BRINP3: variants seen among roughly 807,000 people sequenced by gnomAD.
The protein encoded by BRINP3 is BMP/retinoic acid-inducible neural-specific protein 3.
Under a neutral mutation model 71.0 loss-of-function variants are expected in BRINP3, and 19 were observed. That is an observed-to-expected ratio of 0.27 (90% CI 0.19 to 0.39). BRINP3 has a LOEUF of 0.39. BRINP3 is among the 10% of genes least tolerant of loss of function. The pLI is 1.00. For synonymous variants in BRINP3, 380 were observed against 337.7 expected, an observed-to-expected ratio of 1.13 and a Z score of -1.37; for missense variants, 959 against 940.8, an observed-to-expected ratio of 1.02 and a Z score of -0.25.
intron 1 of BRINP3, among the ~76,000 whole-genome samples, chr1:190,457,718 A>T (rs1458444415): frequency 6.6e-6 from 1 of 152,164 alleles, no homozygotes; most frequent in African/African-American, 2.4e-5. Context: ...TTAAAATTAA[A>T]CAAATGTTTT....
intron 2 of BRINP3, among the ~76,000 whole-genome samples, chr1:190,399,452 C>T (rs983310561): frequency 1.3e-5 from 2 of 151,772 alleles, no homozygotes; most frequent in African/African-American, 2.4e-5. Flanking sequence ...TGACACTTCG[C>T]GAGCATGAAA....
chr1:190,382,598 G>A (rs982365611), intron 2 of BRINP3, among the ~76,000 whole-genome samples: 7 of 152,116 alleles, frequency 4.6e-5, no homozygotes, highest in Admixed American at 1.3e-4. Flanking sequence ...GGCAAATGCC[G>A]AGGCAAGGTA....
intron 7 of BRINP3, among the ~76,000 whole-genome samples, chr1:190,111,522 T>A (rs564974050): frequency 1.6e-3 from 245 of 152,298 alleles, no homozygotes; most frequent in African/African-American, 5.7e-3. Flanking sequence ...CAACACAATG[T>A]GCCAAAATAA....
At chr1:190,460,786 T>C (rs1676341344) in intron 1 of BRINP3, among the ~76,000 whole-genome samples, 1 of 152,172 alleles carries the variant, frequency 6.6e-6, no homozygotes, top group African/African-American at 2.4e-5. Context: ...GATACTTCCA[T>C]CTACTCAAAT....
intron 3 of BRINP3, among the ~76,000 whole-genome samples, chr1:190,276,126 AT>A (rs935857965): frequency 1.3e-5 from 2 of 151,574 alleles, no homozygotes; most frequent in African/African-American, 4.8e-5. Context: ...CTTCAAAAAT[AT>A]TTATTTTTCT....
chr1:190,377,952 C>G (rs1050287385), intron 2 of BRINP3, among the ~76,000 whole-genome samples: 1 of 151,984 alleles, frequency 6.6e-6, no homozygotes, highest in Non-Finnish European at 1.5e-5. Flanking sequence ...CACTACTACT[C>G]TAAACAATAT....
At chr1:190,133,150 T>A (rs1654679518) in intron 7 of BRINP3, among the ~76,000 whole-genome samples, 2 of 152,170 alleles carry the variant, frequency 1.3e-5, no homozygotes, top group East Asian at 1.9e-4. Flanking sequence ...ATGTTCTAAG[T>A]TTTAGGGAAA....
intron 5 of BRINP3, among the ~76,000 whole-genome samples, chr1:190,233,625 C>A (rs1424547177): frequency 6.6e-6 from 1 of 152,110 alleles, no homozygotes; most frequent in East Asian, 1.9e-4. Context: ...AGAATAACAA[C>A]TCAAAATTAC....
chr1:190,113,727 A>G (rs1322931307), intron 7 of BRINP3, among the ~76,000 whole-genome samples: 1 of 152,184 alleles, frequency 6.6e-6, no homozygotes, highest in East Asian at 1.9e-4. Context: ...AACTAAAACC[A>G]GGGAGCATAT....
intron 2 of BRINP3, among the ~76,000 whole-genome samples, chr1:190,444,387 CTCTT>C (rs1446712200): frequency 6.6e-6 from 1 of 150,964 alleles, no homozygotes; most frequent in African/African-American, 2.4e-5. Flanking sequence ...GGTATAAAGT[CTCTT>C]TCCTCAAATT....
At chr1:190,111,182 TAAAAAAAAAAA>T (rs750953190) in intron 7 of BRINP3, among the ~76,000 whole-genome samples, 12 of 61,812 alleles carry the variant, frequency 1.9e-4, no homozygotes, top group African/African-American at 8.8e-4. Context: ...AAGACTCCAT[TAAAAAAAAAAA>T]AAAAAAAAAA....
chr1:190,127,543 T>C (rs1205085312), intron 7 of BRINP3, among the ~76,000 whole-genome samples: 1 of 151,884 alleles, frequency 6.6e-6, no homozygotes, highest in Admixed American at 6.6e-5. Context: ...TGAGTTTTTG[T>C]TACACCCACA....
At chr1:190,198,599 T>A (rs893926995) in intron 6 of BRINP3, among the ~76,000 whole-genome samples, 6 of 152,126 alleles carry the variant, frequency 3.9e-5, no homozygotes, top group Non-Finnish European at 1.5e-5. Flanking sequence ...TCTGTCAAGT[T>A]CAAAGTTTCA....
chr1:190,291,508 A>G (rs1000612693), intron 2 of BRINP3, among the ~76,000 whole-genome samples: 3 of 152,182 alleles, frequency 2.0e-5, no homozygotes, highest in African/African-American at 7.2e-5. Flanking sequence ...CTGAATAGAT[A>G]TTTCTCAAAA....
In BRINP3 at chr1:190,160,792, G is replaced by A. The variant is rs200210126; in HGVS notation, c.1060C>T (p.Arg354Cys). The change falls in exon 7 of 8, where the codon CGT becomes TGT. Residue 354 changes from arginine to cysteine, a missense_variant. Transcript: ENST00000367462. ...ATGCTGTTCTCCAGTTGTTCATAAC[G>A]GCGCTGAAAATTAGAATCCATTGTC... ...LWTMDSNFQR[R>C]YEQLENSMKQ... 2.5e-5 allele frequency: 40 copies of A among 1,613,508 alleles called. No individual in the cohort carries two copies. Among genetic ancestry groups the A allele is most frequent in the South Asian group, 3.3e-5 (3 of 91,076 alleles).
intron 7 of BRINP3, among the ~76,000 whole-genome samples, chr1:190,119,940 A>G (rs1484060246): frequency 1.3e-5 from 2 of 152,238 alleles, no homozygotes; most frequent in African/African-American, 2.4e-5. Flanking sequence ...CTCGAAGAGC[A>G]GCTGTTTGTT....
chr1:190,425,361 T>G (rs1449695623), intron 2 of BRINP3, among the ~76,000 whole-genome samples: 1 of 151,844 alleles, frequency 6.6e-6, no homozygotes. Flanking sequence ...AGTAGACTGA[T>G]GCTGGCAAGC....
chr1:190,448,609 T>C (rs1675395941), intron 2 of BRINP3, among the ~76,000 whole-genome samples: 2 of 151,780 alleles, frequency 1.3e-5, no homozygotes, highest in Admixed American at 6.6e-5. Flanking sequence ...TATAGTGATA[T>C]ATGGCATTAA....
chr1:190,108,870 C>G (rs1344204714), intron 7 of BRINP3, among the ~76,000 whole-genome samples: 2 of 151,902 alleles, frequency 1.3e-5, no homozygotes, highest in African/African-American at 4.8e-5. Context: ...TCAAAATACA[C>G]TGTTCTCTCT....
Sources: allele counts gnomAD v4.1 joint callset (sites outside exome capture counted in the v4.1 genomes callset), GRCh38; gene constraint gnomAD v4.1.1; transcripts MANE v1.5; gene names NCBI Gene and HGNC (gene_info 2026-07-23, HGNC 2026-07-21).